The following RBFOX1 variants were observed in gnomAD, a reference collection of about 807,000 sequenced individuals.
RBFOX1 encodes RNA binding protein fox-1 homolog 1.
A neutral mutation model predicts 57.7 loss-of-function variants in RBFOX1; 8 were observed. The ratio of observed to expected loss-of-function variants is 0.14; its 90% CI spans 0.08 to 0.25. The LOEUF is 0.25. Ranked by LOEUF, RBFOX1 falls within the 10% of genes least tolerant of loss-of-function variation. The pLI is 1.00. For synonymous variants in RBFOX1, 326 were observed against 222.4 expected (o/e 1.47, Z -4.15); for missense variants, 611 against 548.5 (o/e 1.11, Z -1.14).
At chr16:7,352,857 A>G (rs1208490115) in intron 4 of RBFOX1, among the ~76,000 whole-genome samples, 2 of 152,116 alleles carry the variant, frequency 1.3e-5, no homozygotes, top group Admixed American at 6.6e-5. Flanking sequence ...CTGGGACTAC[A>G]GGAGCATGCC....
intron 3 of RBFOX1, among the ~76,000 whole-genome samples, chr16:5,707,400 C>G (rs559508047): frequency 3.3e-5 from 5 of 152,280 alleles, no homozygotes; most frequent in Admixed American, 3.3e-4. Context: ...GCTGAAGTGT[C>G]TTGTGCTAGG....
chr16:5,642,763 C>T (rs1275320925), intron 3 of RBFOX1, among the ~76,000 whole-genome samples: 1 of 152,164 alleles, frequency 6.6e-6, no homozygotes, highest in East Asian at 1.9e-4. Flanking sequence ...CCACAAAGGA[C>T]TGGTTTCCTC....
chr16:7,376,117 A>G (rs4265817), intron 4 of RBFOX1, among the ~76,000 whole-genome samples: 1 of 151,998 alleles, frequency 6.6e-6, no homozygotes, highest in African/African-American at 2.4e-5. Context: ...TAAAACAACA[A>G]GAAATAATAC....
chr16:5,454,853 CTTTTCTTTCTTTCTTTCTTTCTTTCTTT>C (rs1567534750), intron 1 of RBFOX1, among the ~76,000 whole-genome samples: 1 of 64,960 alleles, frequency 1.5e-5, no homozygotes, highest in Non-Finnish European at 3.0e-5. Context: ...TTCTTTCTTT[CTTTTCTTTCTTTCTTTCTTTCTTTCTTT>C]CTTTCTTTCT....
chr16:6,491,889 G>C (rs1398547004), intron 2 of RBFOX1, among the ~76,000 whole-genome samples: 2 of 152,188 alleles, frequency 1.3e-5, no homozygotes, highest in African/African-American at 2.4e-5. Context: ...TGTAGATGAA[G>C]AGATTTATGT....
Position 6,691,539 on chromosome 16 carries a change from G to A in RBFOX1, c.-16+36889G>A, listed in dbSNP as rs141699131. Among the ~76,000 whole-genome samples, 64 of 152,152 alleles carry A rather than the reference G, an allele frequency of 4.2e-4. No individual in the cohort carries two copies. The East Asian group carries it at 9.9e-3, about 23-fold the overall frequency. On this transcript the variant is annotated intron_variant, in intron 3 of 15. Transcript: ENST00000550418. Reference sequence around the variant, plus strand: ...AGTAAATGCGTTTCGCAGGTTTCCCGTTATCACATTACACGCGTTATATGT... The same window carrying A: ...AGTAAATGCGTTTCGCAGGTTTCCCATTATCACATTACACGCGTTATATGT...
intron 3 of RBFOX1, among the ~76,000 whole-genome samples, chr16:6,874,643 T>G (rs1298076530): frequency 6.6e-6 from 1 of 152,008 alleles, no homozygotes; most frequent in African/African-American, 2.4e-5. Context: ...ATCTCCCACT[T>G]ACAATGGTTT....
chr16:6,261,474 C>G lies in RBFOX1; in HGVS notation c.-126-55521C>G, dbSNP rs141754503. 2.4e-4 allele frequency among the ~76,000 whole-genome samples: 36 copies of G among 152,294 alleles called. No homozygotes were observed. The East Asian group carries it at 5.0e-3, about 21-fold the overall frequency. ...TGATTGTTTTAGTGGCTCAGACATG[C>G]CCTGTGAGAGTTATTATGACTGTAC... On this transcript the variant is annotated intron_variant, in intron 1 of 15. Coordinates refer to ENST00000550418, the MANE Select transcript of RBFOX1 (RefSeq NM_018723.4).
chr16:6,726,529 G>A (rs926713544), intron 3 of RBFOX1, among the ~76,000 whole-genome samples: 1 of 151,946 alleles, frequency 6.6e-6, no homozygotes, highest in Non-Finnish European at 1.5e-5. Context: ...TACAGTGCCT[G>A]GACATGTTCA....
In RBFOX1 at chr16:6,538,757, GTTGT is replaced by G. The variant is rs1567604250; in HGVS notation, c.-63-115843_-63-115840del. ...TGTGTTTGCCTTTTTCCAGCTGTTG[GTTGT>G]TTTTTTTCATGGCTTCTTCCAGGGC... On this transcript the variant is annotated intron_variant, in intron 2 of 15. Coordinates refer to ENST00000550418, the MANE Select transcript of RBFOX1 (RefSeq NM_018723.4). Among the ~76,000 whole-genome samples the G allele has an allele frequency of 2.0e-5, 3 of 152,278 alleles. No individual in the cohort carries two copies. The East Asian group carries it at 5.8e-4, about 29-fold the overall frequency.
chr16:6,871,059 C>CAGAGAGG (rs1324697165), intron 3 of RBFOX1, among the ~76,000 whole-genome samples: 1 of 152,218 alleles, frequency 6.6e-6, no homozygotes, highest in African/African-American at 2.4e-5. Flanking sequence ...ATAAAGTAGG[C>CAGAGAGG]AGAGTCTTAG....
intron 2 of RBFOX1, among the ~76,000 whole-genome samples, chr16:5,584,770 C>T (rs2046779690): frequency 6.6e-6 from 1 of 152,100 alleles, no homozygotes; most frequent in African/African-American, 2.4e-5. Flanking sequence ...CTGCTTGGGC[C>T]TGTTTCTTGA....
At chr16:6,957,430 A>G (rs1431036879) in intron 3 of RBFOX1, among the ~76,000 whole-genome samples, 1 of 152,070 alleles carries the variant, frequency 6.6e-6, no homozygotes, top group Non-Finnish European at 1.5e-5. Flanking sequence ...GATATGCTAA[A>G]CAAGGGGTGG....
At chr16:5,273,124 G>T (rs375877872) in intron 1 of RBFOX1, among the ~76,000 whole-genome samples, 10 of 152,112 alleles carry the variant, frequency 6.6e-5, no homozygotes, top group African/African-American at 2.4e-4. Context: ...GAGGTTTCCA[G>T]TGCCAGCTTG....
intron 4 of RBFOX1, among the ~76,000 whole-genome samples, chr16:5,941,070 G>A (rs1362401213): frequency 6.6e-6 from 1 of 152,070 alleles, no homozygotes; most frequent in Non-Finnish European, 1.5e-5. Flanking sequence ...TGCAAATCCT[G>A]GAACACATTG....
chr16:7,352,566 TCTC>T (rs1003178755), intron 4 of RBFOX1, among the ~76,000 whole-genome samples: 1 of 152,084 alleles, frequency 6.6e-6, no homozygotes, highest in Non-Finnish European at 1.5e-5. Context: ...TTGCAGCCAT[TCTC>T]CAGGAAGAGT....
intron 1 of RBFOX1, among the ~76,000 whole-genome samples, chr16:6,060,691 A>G (rs185509391): frequency 1.3e-5 from 2 of 152,306 alleles, no homozygotes; most frequent in East Asian, 3.9e-4. Context: ...TTAAGACAAC[A>G]AAATATCCTA....
intron 2 of RBFOX1, among the ~76,000 whole-genome samples, chr16:5,562,907 A>G (rs576112442): frequency 1.3e-5 from 2 of 152,290 alleles, no homozygotes; most frequent in Non-Finnish European, 2.9e-5. Context: ...CAGGAGGAAT[A>G]TGCAGATGAG....
intron 1 of RBFOX1, among the ~76,000 whole-genome samples, chr16:6,310,260 A>C (rs2080090754): frequency 6.6e-6 from 1 of 152,216 alleles, no homozygotes; most frequent in Admixed American, 6.5e-5. Context: ...CATCAGTAAG[A>C]GAAGAGCCTC....
Sources: gnomAD v4.1 joint callset for allele counts (sites outside exome capture counted in the v4.1 genomes callset) on GRCh38, gnomAD v4.1.1 for gene constraint, MANE v1.5 for transcripts, NCBI Gene and HGNC (gene_info 2026-07-23, HGNC 2026-07-21) for gene names.